The following CFAP95 variants were observed in gnomAD, a reference collection of about 807,000 sequenced individuals.
The protein encoded by CFAP95 is cilia and flagella associated protein 95, also known as cilia- and flagella-associated protein 95.
the CFAP95 span, among the ~76,000 whole-genome samples, chr9:69,841,992 T>C: frequency 6.6e-6 from 1 of 152,174 alleles, no homozygotes; most frequent in African/African-American, 2.4e-5. Context: ...TTGTCATTGC[T>C]CTCCCCATCA....
the CFAP95 span, among the ~76,000 whole-genome samples, chr9:69,850,985 T>C: frequency 1.3e-5 from 2 of 152,210 alleles, no homozygotes; most frequent in Non-Finnish European, 2.9e-5. Flanking sequence ...ATCTTCTCTG[T>C]CATTTCCAGA....
At chr9:69,830,801 C>T in the CFAP95 span, among the ~76,000 whole-genome samples, 2 of 152,144 alleles carry the variant, frequency 1.3e-5, no homozygotes, top group East Asian at 1.9e-4. Context: ...GCATGCACCA[C>T]CATGCCTGAC....
the CFAP95 span, among the ~76,000 whole-genome samples, chr9:69,823,591 G>A: frequency 6.6e-6 from 1 of 152,130 alleles, no homozygotes; most frequent in Non-Finnish European, 1.5e-5. Context: ...CACATGGCCT[G>A]CCACATATTA....
At chr9:69,877,108 C>T in the CFAP95 span, among the ~76,000 whole-genome samples, 6,214 of 152,164 alleles carry the variant, frequency 0.041, 391 homozygotes, top group African/African-American at 0.14. Context: ...TACATATATA[C>T]GTAATATACA....
chr9:69,821,657 A>G, the CFAP95 span, among the ~76,000 whole-genome samples: 1 of 152,076 alleles, frequency 6.6e-6, no homozygotes, highest in Non-Finnish European at 1.5e-5. Flanking sequence ...GGCTACATAC[A>G]AGAACTTTTC....
chr9:69,885,655 C>T, the CFAP95 span, among the ~76,000 whole-genome samples: 1 of 152,132 alleles, frequency 6.6e-6, no homozygotes, highest in Non-Finnish European at 1.5e-5. Flanking sequence ...GTATTTCATC[C>T]AGCATTTCTG....
At chr9:69,856,915 T>C in the CFAP95 span, among the ~76,000 whole-genome samples, 1 of 136,492 alleles carries the variant, frequency 7.3e-6, no homozygotes, top group South Asian at 2.4e-4. Context: ...TTCCTCTTTA[T>C]ATGTGTTTTT....
the CFAP95 span, among the ~76,000 whole-genome samples, chr9:69,843,619 T>G: frequency 0.042 from 2,400 of 57,768 alleles, 256 homozygotes; most frequent in Non-Finnish European, 0.052. Context: ...CTTCTTCTTC[T>G]TCTTCTTCTT....
chr9:69,847,488 A>C, the CFAP95 span, among the ~76,000 whole-genome samples: 1 of 152,190 alleles, frequency 6.6e-6, no homozygotes, highest in African/African-American at 2.4e-5. Context: ...GGAGTACCAA[A>C]CTTTTCCACT....
the CFAP95 span, among the ~76,000 whole-genome samples, chr9:69,872,436 T>C: frequency 0.041 from 6,176 of 152,224 alleles, 384 homozygotes; most frequent in African/African-American, 0.14. Flanking sequence ...CTGATACTAA[T>C]GGGAGGAGTT....
the CFAP95 span, among the ~76,000 whole-genome samples, chr9:69,887,110 G>A: frequency 1.3e-4 from 20 of 152,230 alleles, no homozygotes; most frequent in African/African-American, 2.4e-4. Flanking sequence ...AAATATTGCC[G>A]TATCTAAAGT....
the CFAP95 span, among the ~76,000 whole-genome samples, chr9:69,868,921 G>A: frequency 6.7e-6 from 1 of 148,716 alleles, no homozygotes; most frequent in Non-Finnish European, 1.5e-5. Context: ...CTAATTACCA[G>A]GCAAATATAA....
At chr9:69,852,425 A>C in the CFAP95 span, among the ~76,000 whole-genome samples, 9 of 152,190 alleles carry the variant, frequency 5.9e-5, no homozygotes, top group African/African-American at 2.2e-4. Context: ...GGTTGAAATC[A>C]AACAGATCTG....
the CFAP95 span, among the ~76,000 whole-genome samples, chr9:69,875,756 A>G: frequency 6.6e-6 from 1 of 152,234 alleles, no homozygotes; most frequent in East Asian, 1.9e-4. Flanking sequence ...ATACTCTTCA[A>G]ACATCCATCT....
At chr9:69,850,796 T>C in the CFAP95 span, among the ~76,000 whole-genome samples, 1 of 152,308 alleles carries the variant, frequency 6.6e-6, no homozygotes, top group Admixed American at 6.5e-5. Flanking sequence ...ATCTTGGAGC[T>C]TGTGGTTGAT....
the CFAP95 span, among the ~76,000 whole-genome samples, chr9:69,860,089 T>C: frequency 6.6e-6 from 1 of 152,224 alleles, no homozygotes; most frequent in South Asian, 2.1e-4. Context: ...GTAGACTTTA[T>C]AAACGCTGTA....
the CFAP95 span, among the ~76,000 whole-genome samples, chr9:69,893,915 G>A: frequency 1.9e-4 from 29 of 151,956 alleles, no homozygotes; most frequent in African/African-American, 6.8e-4. Flanking sequence ...TTATCTTATC[G>A]TGTATTATTG....
At chr9:69,822,434 A>C in the CFAP95 span, among the ~76,000 whole-genome samples, 1 of 152,218 alleles carries the variant, frequency 6.6e-6, no homozygotes, top group African/African-American at 2.4e-5. Flanking sequence ...CTTTGAACTC[A>C]GTATGAGAAG....
At chr9:69,849,905 A>G in the CFAP95 span, among the ~76,000 whole-genome samples, 1 of 152,172 alleles carries the variant, frequency 6.6e-6, no homozygotes, top group Non-Finnish European at 1.5e-5. Context: ...TTTTACCTGG[A>G]CTTTATTCAG....
Sources: allele counts gnomAD v4.1 joint callset (sites outside exome capture counted in the v4.1 genomes callset), GRCh38; gene constraint gnomAD v4.1.1; transcripts MANE v1.5; gene names NCBI Gene and HGNC (gene_info 2026-07-23, HGNC 2026-07-21).